Variants in ICE2 observed in about 807,000 individuals in gnomAD.
The protein encoded by ICE2 is interactor of little elongation complex ELL subunit 2.
A neutral mutation model predicts 105.4 loss-of-function variants in ICE2; 87 were observed. The ratio of observed to expected loss-of-function variants is 0.83; its 90% CI spans 0.69 to 0.99. The LOEUF (loss-of-function observed/expected upper bound fraction) is 0.99, where lower values mean the gene tolerates loss of function less well. Among genes scored for constraint, ICE2 ranks in the 50% least tolerant of loss-of-function variants. The pLI, the probability that ICE2 is intolerant of heterozygous loss-of-function variation, is 0.00. For synonymous variants in ICE2, 399 were observed against 392.0 expected, an observed-to-expected ratio of 1.02 and a Z score of -0.21; for missense variants, 1,323 against 1,146.7, an observed-to-expected ratio of 1.15 and a Z score of -2.22.
chr15:60,451,433 AG>A, intron 9 of ICE2: 1 of 974,194 alleles, frequency 1.0e-6, no homozygotes, highest in South Asian at 4.7e-5. Flanking sequence ...GATATCATTA[AG>A]AAAAATGTAA....
At chr15:60,431,270 C>T (rs1375088588) in intron 14 of ICE2, among the ~76,000 whole-genome samples, 2 of 151,896 alleles carry the variant, frequency 1.3e-5, no homozygotes, top group African/African-American at 4.8e-5. Flanking sequence ...TTATGCTAAT[C>T]ACCAGAACCT....
intron 9 of ICE2, chr15:60,451,490 T>C (rs1032329064): frequency 3.5e-5 from 34 of 984,700 alleles, no homozygotes; most frequent in Non-Finnish European, 3.9e-5. Context: ...ACATTCCAAA[T>C]TGTTGGACCA....
At chr15:60,464,698 G>A (rs530654652) in intron 5 of ICE2, among the ~76,000 whole-genome samples, 4 of 152,160 alleles carry the variant, frequency 2.6e-5, no homozygotes, top group African/African-American at 4.8e-5. Flanking sequence ...ATGGGAGGGA[G>A]GGGAGAGATC....
intron 14 of ICE2, among the ~76,000 whole-genome samples, chr15:60,429,752 T>G (rs1287519157): frequency 2.0e-5 from 3 of 152,196 alleles, no homozygotes; most frequent in Non-Finnish European, 2.9e-5. Flanking sequence ...TCTGGAAATT[T>G]TTTTTCCCAA....
Position 60,431,954 on chromosome 15 carries a change from G to A in ICE2, c.2541C>T (p.His847=). ...KISNLFNILQ[H]ILKKLSSLQE... The stretch of plus-strand genomic sequence containing the variant: ...CTTACCTACTTAGTTTCTTTAGAAT[G>A]TGTTGGAGGATGTTAAATAAATTGG... The change falls in exon 14 of 16, where the codon CAC becomes CAT. Residue 847 remains histidine, a synonymous_variant. Transcript: ENST00000261520. 7.1e-7 allele frequency: 1 copy of A among 1,405,094 alleles called. No individual in the cohort carries two copies. Among genetic ancestry groups the A allele is most frequent in the South Asian group, 1.2e-5 (1 of 81,576 alleles). 87.0% of individuals were successfully genotyped at this position (1,405,094 alleles called of 1,614,324 possible).
At chr15:60,426,592 A>G (rs1240581402) in intron 15 of ICE2, among the ~76,000 whole-genome samples, 1 of 152,260 alleles carries the variant, frequency 6.6e-6, no homozygotes, top group Non-Finnish European at 1.5e-5. Context: ...TCAAATCATT[A>G]AAGTATTTCC....
At chr15:60,466,520 A>G in intron 5 of ICE2, 74 bp downstream of exon 5, 1 of 1,543,404 alleles carries the variant, frequency 6.5e-7, no homozygotes, top group Non-Finnish European at 8.8e-7. Flanking sequence ...CTTTTGGTGG[A>G]ATCATCACAT....
At position 60,479,000 on chromosome 15, in the gene ICE2, C is replaced by G. The variant is rs2064855814; in HGVS notation, c.-93+3G>C. On this transcript the variant is annotated splice_donor_region_variant and intron_variant, in intron 1 of 15. Transcript: ENST00000261520. ...TGGGCTGCAACACAGCCTTTCCGCC[C>G]ACCTCATGGTCCGCGGCGGCTCTTG... 6.6e-6 allele frequency: 3 copies of G among 455,902 alleles called. No individual in the cohort carries two copies. Among genetic ancestry groups the G allele is most frequent in the African/African-American group, 2.0e-5 (1 of 50,074 alleles). The allele number at this position is 455,902 out of a possible 1,614,324, so 28.2% of individuals were successfully genotyped here.
intron 13 of ICE2, among the ~76,000 whole-genome samples, chr15:60,434,109 C>G (rs1049642671): frequency 3.3e-5 from 5 of 152,162 alleles, no homozygotes; most frequent in African/African-American, 1.2e-4. Flanking sequence ...TAGGGCATAC[C>G]ACTCTAATAT....
At chr15:60,476,214 T>G (rs377227553) in intron 2 of ICE2, 47 bp from the exon 3 acceptor site, 2 of 1,201,120 alleles carry the variant, frequency 1.7e-6, no homozygotes, top group East Asian at 4.7e-5. Context: ...CAAAATCTCA[T>G]GCTAGACTAT....
intron 12 of ICE2, chr15:60,442,170 G>A (rs1216665306): frequency 8.9e-6 from 3 of 335,598 alleles, no homozygotes; most frequent in Non-Finnish European, 1.6e-5. Flanking sequence ...GCACATGCCT[G>A]CAGCCCCAGC....
chr15:60,466,425 G>C (rs528747509), intron 5 of ICE2, among the ~76,000 whole-genome samples, 169 bp downstream of exon 5: 31 of 152,312 alleles, frequency 2.0e-4, no homozygotes, highest in Non-Finnish European at 3.1e-4. Context: ...ACACAATTTT[G>C]AGATGTTAGT....
chr15:60,433,634 G>A (rs1156468524), intron 13 of ICE2, among the ~76,000 whole-genome samples: 2 of 151,802 alleles, frequency 1.3e-5, no homozygotes, highest in African/African-American at 2.4e-5. Context: ...GGAATTGCAG[G>A]TGCCCACCAC....
Position 60,468,267 on chromosome 15 carries a change from C to G in ICE2, c.202G>C (p.Val68Leu). ...TCCTTTGCTTGAGTTGCTGAACTAA[C>G]TGCCGGCTCATTTTCTACAGAACTT... Reference protein sequence around the residue: ...SASSVENEPAVSSATQAKEKV... With the variant: ...SASSVENEPALSSATQAKEKV... The change falls in exon 4 of 16, where the codon GTT (valine) becomes CTT (leucine). Residue 68 changes from valine (V) to leucine (L), a missense_variant. Coordinates refer to ENST00000261520, the MANE Select transcript of ICE2 (RefSeq NM_024611.6). 1 of 1,613,230 alleles carries G rather than the reference C, an allele frequency of 6.2e-7. No individual in the cohort carries two copies. The highest frequency in any genetic ancestry group is 8.5e-7 in the Non-Finnish European group (1 of 1,179,260).
At chr15:60,478,792 G>A (rs892609465) in intron 1 of ICE2, 7 of 365,482 alleles carry the variant, frequency 1.9e-5, no homozygotes, top group African/African-American at 1.1e-4. Flanking sequence ...AAACGGCTGA[G>A]GGAAAGGGGA....
intron 5 of ICE2, among the ~76,000 whole-genome samples, chr15:60,465,719 T>A (rs910425526): frequency 1.3e-5 from 2 of 151,586 alleles, no homozygotes; most frequent in African/African-American, 4.8e-5. Context: ...TGTATATATA[T>A]ATAGTTATTA....
intron 4 of ICE2, 105 bp downstream of exon 4, chr15:60,467,955 AT>A: frequency 9.2e-7 from 1 of 1,081,860 alleles, no homozygotes. Flanking sequence ...TACGTTTTCC[AT>A]TTTAAAAAAA....
chr15:60,473,263 TGTGAGTGA>T lies in ICE2; in HGVS notation c.146+2792_146+2799del, dbSNP rs996985178. Among the ~76,000 whole-genome samples the T allele has an allele frequency of 9.2e-4, 140 of 152,102 alleles. 2 individuals carry two copies. Among genetic ancestry groups the T allele is most frequent in the Non-Finnish European group, 1.3e-3 (89 of 67,978 alleles). On this transcript the variant is annotated intron_variant, in intron 3 of 15. Transcript: ENST00000261520. ...CCAGCCAAGATTATTTGTGTGTGTG[TGTGAGTGA>T]GTGAGTGAGAGAGAGAGACACACAC...
chr15:60,430,694 G>C (rs957285642), intron 14 of ICE2, among the ~76,000 whole-genome samples: 1 of 152,170 alleles, frequency 6.6e-6, no homozygotes, highest in Non-Finnish European at 1.5e-5. Flanking sequence ...TTAGATAATA[G>C]AATTCTTCAG....
Sources: allele counts gnomAD v4.1 joint callset (sites outside exome capture counted in the v4.1 genomes callset), GRCh38; gene constraint gnomAD v4.1.1; transcripts MANE v1.5; gene names NCBI Gene and HGNC (gene_info 2026-07-23, HGNC 2026-07-21).